Variants in PRAG1 observed in about 807,000 individuals in gnomAD.
PRAG1 encodes the protein PEAK1 related, kinase-activating pseudokinase 1.
In PRAG1, 110 loss-of-function variants were observed where a neutral mutation model predicts 95.6. The ratio of observed to expected loss-of-function variants is 1.15; its 90% confidence interval spans 0.99 to 1.35. PRAG1 has a LOEUF of 1.35. Among genes scored for constraint, PRAG1 ranks in the 40% most tolerant of loss-of-function variants. The probability of loss-of-function intolerance (pLI) is 0.00; values close to 1 mark genes in which losing one functional copy is unlikely to be tolerated. For missense variants in PRAG1, 2,554 were observed against 1,864.7 expected (o/e 1.37, Z -6.81); for synonymous variants, 1,052 against 819.4 (o/e 1.28, Z -4.85).
intron 3 of PRAG1, among the ~76,000 whole-genome samples, chr8:8,344,769 C>A (rs573410369): frequency 6.6e-6 from 1 of 152,096 alleles, no homozygotes; most frequent in Non-Finnish European, 1.5e-5. Context: ...TCTGTTGTTG[C>A]GCCTCTGGAA....
At chr8:8,355,619 A>G (rs1378017699) in intron 3 of PRAG1, among the ~76,000 whole-genome samples, 1 of 152,206 alleles carries the variant, frequency 6.6e-6, no homozygotes, top group Non-Finnish European at 1.5e-5. Flanking sequence ...TCAGAAATTG[A>G]TCCAGACATA....
At chr8:8,334,711 T>C (rs1289543116) in intron 4 of PRAG1, among the ~76,000 whole-genome samples, 3 of 150,102 alleles carry the variant, frequency 2.0e-5, no homozygotes, top group Non-Finnish European at 4.4e-5. Context: ...GGTCCTGGAA[T>C]TATGATCTTT....
At chr8:8,341,262 T>C (rs28680602) in intron 3 of PRAG1, among the ~76,000 whole-genome samples, 5,990 of 152,258 alleles carry the variant, frequency 0.039, 391 homozygotes, top group African/African-American at 0.14. Context: ...ATGAAATGTA[T>C]GTAAATAGAC....
At chr8:8,322,645 C>A (rs1188899534) in intron 5 of PRAG1, among the ~76,000 whole-genome samples, 1 of 152,142 alleles carries the variant, frequency 6.6e-6, no homozygotes, top group Admixed American at 6.6e-5. Context: ...CTCTTCAAGT[C>A]TGATAAAAAT....
At position 8,318,760 on chromosome 8, in the gene PRAG1, C is replaced by T. The variant is rs1214071497; in HGVS notation, c.3615G>A (p.Arg1205=). 2 of 1,585,278 alleles carry T rather than the reference C, an allele frequency of 1.3e-6. No individual in the cohort carries two copies. The highest frequency in any genetic ancestry group is 1.7e-6 in the Non-Finnish European group (2 of 1,165,124). ...TGATGAGCCGGGGCAGCTGCTTCTCCCGGGGCCCTTCCGGGGAGGCGGGGC... is the reference window on the plus strand; with the variant it reads ...TGATGAGCCGGGGCAGCTGCTTCTCTCGGGGCCCTTCCGGGGAGGCGGGGC... ...AAGPASPEGP[R]EKQLPRLIIS... is the part of the protein sequence containing the mutation. Residue 1205 remains arginine (R), a synonymous_variant, in exon 6 of 6, where the codon CGG becomes CGA. Transcript: ENST00000615670. The surrounding 1 kb of genome is among the most constrained non-coding windows in gnomAD (Gnocchi z 4.2).
At position 8,377,040 on chromosome 8, in the gene PRAG1, A is replaced by G. The variant is rs372760363; in HGVS notation, c.1369T>C (p.Ser457Pro). 1.2e-6 allele frequency: 2 copies of G among 1,613,972 alleles called. No individual in the cohort carries two copies. Among genetic ancestry groups the G allele is most frequent in the South Asian group, 1.1e-5 (1 of 91,088 alleles). ...TGNAWAQKAA[S>P]GWGRDSPDPT... Reference sequence around the variant, plus strand: ...TCTGGGCTGTCCCGGCCCCAGCCAGATGCTGCTTTCTGGGCCCAGGCATTA... The same window carrying G: ...TCTGGGCTGTCCCGGCCCCAGCCAGGTGCTGCTTTCTGGGCCCAGGCATTA... The change falls in exon 3 of 6, where the codon TCT (serine) becomes CCT (proline). Residue 457 changes from serine to proline, a missense_variant. Transcript: ENST00000615670.
intron 2 of PRAG1, 25 bp downstream of exon 2, chr8:8,381,393 T>C (rs1472477712): frequency 1.3e-6 from 2 of 1,582,798 alleles, no homozygotes; most frequent in Non-Finnish European, 1.7e-6. Context: ...CCTGTAAAAA[T>C]ACCACGAGTG....
intron 3 of PRAG1, chr8:8,374,766 G>C (rs555537680): frequency 1.1e-6 from 1 of 911,528 alleles, no homozygotes; most frequent in East Asian, 1.2e-4. Flanking sequence ...TGCAATACCA[G>C]AACAAAGTAG....
At chr8:8,335,278 A>T (rs1798950931) in intron 4 of PRAG1, among the ~76,000 whole-genome samples, 1 of 152,230 alleles carries the variant, frequency 6.6e-6, no homozygotes, top group African/African-American at 2.4e-5. Context: ...CAACCTAGAC[A>T]TGCATCAGCA....
chr8:8,319,043 T>A lies in PRAG1; in HGVS notation c.3332A>T (p.His1111Leu), dbSNP rs767367660. 1.2e-6 allele frequency: 2 copies of A among 1,612,876 alleles called. No individual in the cohort carries two copies. The highest frequency in any genetic ancestry group is 8.5e-7 in the Non-Finnish European group (1 of 1,179,792). Residue 1111 changes from histidine (H) to leucine (L), a missense_variant, in exon 6 of 6, where the codon CAC becomes CTC. By Grantham distance (99) the His-to-Leu change is moderately conservative. Coordinates refer to ENST00000615670, the MANE Select transcript of PRAG1 (RefSeq NM_001080826.3). ...CTCGTACGCCTCGGGCTCCGCCTGGTGGCTGGCCGCCGAGTCCCGCACGAA... is the reference window on the plus strand; with the variant it reads ...CTCGTACGCCTCGGGCTCCGCCTGGAGGCTGGCCGCCGAGTCCCGCACGAA... ...SDFVRDSAAS[H>L]QAEPEAYERR... is the part of the protein sequence containing the mutation.
chr8:8,366,224 T>G (rs1800000152), intron 3 of PRAG1, among the ~76,000 whole-genome samples: 1 of 151,996 alleles, frequency 6.6e-6, no homozygotes, highest in Non-Finnish European at 1.5e-5. Context: ...CGGTCTAAAA[T>G]TAGAGTCTCT....
rs763140472 is a variant in PRAG1 at position 8,376,463 on chromosome 8, A to G, written c.1946T>C (p.Leu649Ser). Residue 649 changes from leucine to serine, a missense_variant, in exon 3 of 6, where the codon TTG becomes TCG. By Grantham distance (145) the Leu-to-Ser change is moderately radical. Transcript: ENST00000615670. Reference protein sequence around the residue: ...IEEEEEVEQELLSHSWGRETK... With the variant: ...IEEEEEVEQESLSHSWGRETK... ...CTCTCTTCCCCAGCTGTGACTCAGC[A>G]ATTCCTGCTCCACCTCCTCTTCTTC... The G allele has an allele frequency of 6.2e-7, 1 of 1,614,044 alleles. No individual in the cohort carries two copies. The highest frequency in any genetic ancestry group is 8.5e-7 in the Non-Finnish European group (1 of 1,179,972).
intron 3 of PRAG1, among the ~76,000 whole-genome samples, chr8:8,374,274 A>G (rs917626813): frequency 3.9e-5 from 6 of 152,248 alleles, no homozygotes; most frequent in African/African-American, 9.6e-5. Context: ...AGTGGCTTAT[A>G]CAAGGTCACT....
chr8:8,377,759 G>A lies in PRAG1; in HGVS notation c.650C>T (p.Thr217Ile). 3 of 1,614,150 alleles carry A rather than the reference G, an allele frequency of 1.9e-6. No homozygotes were observed. Among genetic ancestry groups the A allele is most frequent in the African/African-American group, 1.3e-5 (1 of 75,070 alleles). The change falls in exon 3 of 6, where the codon ACC becomes ATC. Residue 217 changes from threonine (T) to isoleucine (I), a missense_variant. Coordinates refer to ENST00000615670, the MANE Select transcript of PRAG1 (RefSeq NM_001080826.3). ...FRQKLAAFAG[T>I]TSGCHQGPGP... Reference sequence around the variant, plus strand: ...AGGGCCCTGGTGACAGCCAGATGTGGTCCCAGCAAAGGCAGCCAGTTTCTG... The same window carrying A: ...AGGGCCCTGGTGACAGCCAGATGTGATCCCAGCAAAGGCAGCCAGTTTCTG...
At position 8,328,454 on chromosome 8, in the gene PRAG1, C is replaced by T. The variant is rs1174653970; in HGVS notation, c.2328G>A (p.Ser776=). 15 of 1,613,206 alleles carry T rather than the reference C, an allele frequency of 9.3e-6. No individual in the cohort carries two copies. Among genetic ancestry groups the T allele is most frequent in the East Asian group, 2.2e-5 (1 of 44,884 alleles). The part of the protein sequence containing the change: ...DSRTCSDGGP[S]SELAHSPTNS... Reference sequence around the variant, plus strand: ...TGGTGGGCGAGTGAGCCAGCTCAGACGAGGGACCTGAAGAGGAGAGACAGA... The same window carrying T: ...TGGTGGGCGAGTGAGCCAGCTCAGATGAGGGACCTGAAGAGGAGAGACAGA... Residue 776 remains serine (S), a synonymous_variant, in exon 5 of 6, where the codon TCG becomes TCA. Coordinates refer to ENST00000615670, the MANE Select transcript of PRAG1 (RefSeq NM_001080826.3).
At chr8:8,351,566 A>C (rs1799523583) in intron 3 of PRAG1, among the ~76,000 whole-genome samples, 1 of 152,226 alleles carries the variant, frequency 6.6e-6, no homozygotes, top group African/African-American at 2.4e-5. Context: ...GAGGACATGC[A>C]TTATTCTAAA....
At chr8:8,322,024 G>A (rs749901690) in intron 5 of PRAG1, among the ~76,000 whole-genome samples, 3 of 152,120 alleles carry the variant, frequency 2.0e-5, no homozygotes, top group Admixed American at 6.5e-5. Flanking sequence ...AGGAACTCAC[G>A]GGCAACAGCA....
intron 3 of PRAG1, among the ~76,000 whole-genome samples, chr8:8,366,941 A>G (rs555694370): frequency 1.3e-5 from 2 of 152,214 alleles, no homozygotes; most frequent in African/African-American, 4.8e-5. Flanking sequence ...CAAAATGGCT[A>G]GGATTACAGG....
At chr8:8,343,856 A>G (rs2945839) in intron 3 of PRAG1, among the ~76,000 whole-genome samples, 56,680 of 151,952 alleles carry the variant, frequency 0.37, 11,883 homozygotes, top group African/African-American at 0.58. Context: ...GCCTTGTCCA[A>G]TAGAATTATA....
Sources: gnomAD v4.1 joint callset for allele counts (sites outside exome capture counted in the v4.1 genomes callset) on GRCh38, gnomAD v4.1.1 for gene constraint, Gnocchi (gnomAD v3.1) non-coding constraint, MANE v1.5 for transcripts, NCBI Gene and HGNC (gene_info 2026-07-23, HGNC 2026-07-21) for gene names.